Variants in PLCB1 observed in about 807,000 individuals in gnomAD.
The protein encoded by PLCB1 is phospholipase C beta 1.
In PLCB1, 46 loss-of-function variants were observed where a neutral mutation model predicts 161.8. The observed-to-expected ratio is 0.28, with a 90% CI of 0.22 to 0.36. The LOEUF (loss-of-function observed/expected upper bound fraction) is 0.36. Among genes scored for constraint, PLCB1 ranks in the 10% least tolerant of loss-of-function variants. The pLI is 1.00. For synonymous variants in PLCB1, 517 were observed against 503.7 expected, an observed-to-expected ratio of 1.03 and a Z score of -0.35; for missense variants, 1,016 against 1,472.5, an observed-to-expected ratio of 0.69 and a Z score of 5.07.
chr20:8,249,086 T>G (rs1187230306), intron 2 of PLCB1, among the ~76,000 whole-genome samples: 1 of 151,914 alleles, frequency 6.6e-6, no homozygotes, highest in African/African-American at 2.4e-5. Context: ...ATCCTAAGAC[T>G]TGCATGGATA....
At chr20:8,262,892 C>T (rs1441017139) in intron 2 of PLCB1, among the ~76,000 whole-genome samples, 1 of 152,104 alleles carries the variant, frequency 6.6e-6, no homozygotes, top group Non-Finnish European at 1.5e-5. Flanking sequence ...GATTCGTCTT[C>T]CTCTTTTTAC....
At chr20:8,289,472 G>A (rs1983282598) in intron 2 of PLCB1, among the ~76,000 whole-genome samples, 1 of 152,164 alleles carries the variant, frequency 6.6e-6, no homozygotes, top group Non-Finnish European at 1.5e-5. Context: ...TAACAGCTCG[G>A]TGAAATAGGT....
Position 8,132,574 on chromosome 20 carries a change from C to T in PLCB1, c.-78C>T. On this transcript the variant is annotated 5_prime_UTR_variant, in exon 1 of 32. Coordinates refer to ENST00000338037, the MANE Select transcript of PLCB1 (RefSeq NM_015192.4). The surrounding 1 kb of genome is among the most constrained non-coding windows in gnomAD (Gnocchi z 5.2). ...CCGGAGCAGAGAAAGGAGCCCGCGCCCCGCGCCCCGCGCCCCGCGCACGGT... is the reference window on the plus strand; with the variant it reads ...CCGGAGCAGAGAAAGGAGCCCGCGCTCCGCGCCCCGCGCCCCGCGCACGGT... The T allele has an allele frequency of 1.1e-6, 1 of 899,096 alleles. No homozygotes were observed. The highest frequency in any genetic ancestry group is 1.6e-6 in the Non-Finnish European group (1 of 634,120). The allele number at this position is 899,096 out of a possible 1,614,324, so 55.7% of individuals were successfully genotyped here.
intron 3 of PLCB1, among the ~76,000 whole-genome samples, chr20:8,508,206 T>A (rs186771264): frequency 1.6e-3 from 240 of 152,302 alleles, no homozygotes; most frequent in African/African-American, 5.4e-3. Flanking sequence ...CTATATTGCA[T>A]GTATAGAAAA....
intron 8 of PLCB1, among the ~76,000 whole-genome samples, chr20:8,657,975 A>G (rs1360273797): frequency 6.6e-6 from 1 of 152,144 alleles, no homozygotes; most frequent in African/African-American, 2.4e-5. Flanking sequence ...GTTCATTGCC[A>G]TCATATATTT....
chr20:8,708,045 G>C (rs1185806176), intron 11 of PLCB1, among the ~76,000 whole-genome samples: 1 of 152,070 alleles, frequency 6.6e-6, no homozygotes, highest in Non-Finnish European at 1.5e-5. Context: ...AATGAGGAGT[G>C]ACTGCTAGTG....
At chr20:8,861,896 A>G (rs924073633) in intron 31 of PLCB1, among the ~76,000 whole-genome samples, 2 of 152,214 alleles carry the variant, frequency 1.3e-5, no homozygotes, top group African/African-American at 2.4e-5. Context: ...GAAAATGTAC[A>G]TTGATTTATT....
chr20:8,861,488 T>C (rs556347837), intron 31 of PLCB1, among the ~76,000 whole-genome samples: 1 of 152,240 alleles, frequency 6.6e-6, no homozygotes, highest in South Asian at 2.1e-4. Context: ...TCCCAGCACT[T>C]TGGAAGGCCA....
intron 31 of PLCB1, among the ~76,000 whole-genome samples, chr20:8,831,011 G>C (rs950672940): frequency 1.3e-5 from 2 of 152,202 alleles, no homozygotes; most frequent in African/African-American, 4.8e-5. Context: ...AGCCATATCA[G>C]ATTGCATTAG....
chr20:8,444,970 C>T (rs1980753192), intron 3 of PLCB1, among the ~76,000 whole-genome samples: 1 of 151,814 alleles, frequency 6.6e-6, no homozygotes, highest in South Asian at 2.1e-4. Context: ...AAGTAGATTG[C>T]AAAAATTTTC....
intron 3 of PLCB1, among the ~76,000 whole-genome samples, chr20:8,446,398 G>A (rs1235439598): frequency 6.6e-6 from 1 of 152,106 alleles, no homozygotes; most frequent in Non-Finnish European, 1.5e-5. Context: ...AGGTATTGAT[G>A]GGATGTATCT....
intron 9 of PLCB1, among the ~76,000 whole-genome samples, chr20:8,680,065 G>C (rs1380945855): frequency 2.0e-5 from 3 of 152,174 alleles, no homozygotes; most frequent in Non-Finnish European, 4.4e-5. Flanking sequence ...AAGAATGGAA[G>C]AAAACTGGAT....
intron 2 of PLCB1, among the ~76,000 whole-genome samples, chr20:8,287,371 G>A (rs937254944): frequency 5.3e-5 from 8 of 152,098 alleles, no homozygotes; most frequent in African/African-American, 1.9e-4. Context: ...TAAAATTTGT[G>A]ATTAGAATAA....
At chr20:8,606,962 TA>T (rs1288061510) in intron 3 of PLCB1, among the ~76,000 whole-genome samples, 1 of 152,170 alleles carries the variant, frequency 6.6e-6, no homozygotes, top group East Asian at 1.9e-4. Flanking sequence ...TAGACACCAA[TA>T]AGGGAGTTGC....
intron 3 of PLCB1, among the ~76,000 whole-genome samples, chr20:8,445,269 A>G (rs930032748): frequency 2.0e-5 from 3 of 152,214 alleles, no homozygotes; most frequent in Non-Finnish European, 2.9e-5. Context: ...ACATATGGCT[A>G]GCAGGTTTTC....
intron 2 of PLCB1, among the ~76,000 whole-genome samples, chr20:8,301,107 T>C (rs1983890991): frequency 1.3e-5 from 2 of 152,154 alleles, no homozygotes; most frequent in Admixed American, 1.3e-4. Flanking sequence ...ATTCCATTAT[T>C]ACAGGACCCA....
At chr20:8,729,930 T>G (rs1198900642) in intron 18 of PLCB1, 1 of 151,978 alleles carries the variant, frequency 6.6e-6, no homozygotes, top group African/African-American at 2.4e-5. Flanking sequence ...ATAATAATAA[T>G]AATTAAACCA....
intron 3 of PLCB1, among the ~76,000 whole-genome samples, chr20:8,419,734 A>G (rs1435198061): frequency 2.6e-5 from 4 of 152,188 alleles, no homozygotes; most frequent in Non-Finnish European, 4.4e-5. Context: ...TAGCCCCAAC[A>G]TAAGTAGAGA....
At chr20:8,798,862 A>G (rs900792659) in intron 31 of PLCB1, among the ~76,000 whole-genome samples, 5 of 150,526 alleles carry the variant, frequency 3.3e-5, no homozygotes, top group African/African-American at 1.2e-4. Context: ...AAGAAGCATC[A>G]CACTGTTAAG....
Sources: allele counts gnomAD v4.1 joint callset (sites outside exome capture counted in the v4.1 genomes callset), GRCh38; gene constraint gnomAD v4.1.1; non-coding constraint Gnocchi (gnomAD v3.1); transcripts MANE v1.5; gene names NCBI Gene and HGNC (gene_info 2026-07-23, HGNC 2026-07-21).